TXNRD2: variants seen among roughly 807,000 people sequenced by gnomAD.
The protein encoded by TXNRD2 is thioredoxin reductase 2, mitochondrial.
A neutral mutation model predicts 70.8 loss-of-function variants in TXNRD2; 67 were observed. The ratio of observed to expected loss-of-function variants is 0.95; its 90% confidence interval spans 0.78 to 1.16. The LOEUF is 1.16. Ranked by LOEUF, TXNRD2 falls within the 50% of genes most tolerant of loss-of-function variation. The pLI is 0.00. For missense variants in TXNRD2, 644 were observed against 719.9 expected (o/e 0.89, Z 1.21); for synonymous variants, 301 against 295.8 (o/e 1.02, Z -0.18).
chr22:19,875,703 T>G lies in TXNRD2; in HGVS notation c.*170A>C, dbSNP rs933727955. Reference sequence around the variant, plus strand: ...GGTGGACAGTCCCCTGAGCCATCCCTGTGGGGCACACGGGCCACCTGTCCA... The same window carrying G: ...GGTGGACAGTCCCCTGAGCCATCCCGGTGGGGCACACGGGCCACCTGTCCA... On this transcript the variant is annotated 3_prime_UTR_variant, in exon 18 of 18. Transcript: ENST00000400521. 2 of 152,260 alleles carry G rather than the reference T, an allele frequency of 1.3e-5. No homozygotes were observed. The highest frequency in any genetic ancestry group is 4.8e-5 in the African/African-American group (2 of 41,424). 9.4% of individuals were successfully genotyped at this position (152,260 alleles called of 1,614,324 possible). A position where few individuals can be genotyped will look rare whatever the true frequency, so the allele number is the denominator to read the frequency against.
At chr22:19,927,155 G>A (rs1003562900) in intron 2 of TXNRD2, among the ~76,000 whole-genome samples, 4 of 152,096 alleles carry the variant, frequency 2.6e-5, no homozygotes, top group East Asian at 1.9e-4. Flanking sequence ...TTAGCTGGGC[G>A]TGGTGGCAGG....
intron 2 of TXNRD2, among the ~76,000 whole-genome samples, chr22:19,929,350 G>A (rs955035160): frequency 6.7e-6 from 1 of 148,578 alleles, no homozygotes; most frequent in African/African-American, 2.5e-5. Context: ...AAAAAATTAG[G>A]CCATATACAG....
At chr22:19,883,584 T>A in intron 11 of TXNRD2, 123 bp from the exon 12 acceptor site, 1 of 1,400,784 alleles carries the variant, frequency 7.1e-7, no homozygotes, top group Non-Finnish European at 1.0e-6. Flanking sequence ...CTGCCTGTAA[T>A]CCCAGCACTG....
intron 1 of TXNRD2, among the ~76,000 whole-genome samples, chr22:19,940,244 C>CA (rs141013808): frequency 0.15 from 9,872 of 67,890 alleles, 845 homozygotes; most frequent in South Asian, 0.27. Context: ...GACACTGTCT[C>CA]AAAAAAAAAA....
rs751116028 is a variant in TXNRD2, at chr22:19,915,804, G to A, written c.489C>T (p.Asp163=). 8.2e-5 allele frequency: 133 copies of A among 1,614,058 alleles called. No homozygotes were observed. Among genetic ancestry groups the A allele is most frequent in the Middle Eastern group, 1.6e-4 (1 of 6,084 alleles). The change falls in exon 6 of 18, where the codon GAC becomes GAT. Residue 163 remains aspartate (D), a synonymous_variant. Coordinates refer to ENST00000400521, the MANE Select transcript of TXNRD2 (RefSeq NM_006440.5). ...TGGCAACGCCGCAAACCGTGTGCTC[G>A]TCAACAAAGCTGGCTTTGATGTTAA... ...KYFNIKASFV[D]EHTVCGVAKG...
At chr22:19,902,563 G>A (rs1939823595) in intron 8 of TXNRD2, among the ~76,000 whole-genome samples, 1 of 152,216 alleles carries the variant, frequency 6.6e-6, no homozygotes, top group Non-Finnish European at 1.5e-5. Flanking sequence ...GCAGCACAGG[G>A]CTGGGGGTGC....
intron 1 of TXNRD2, among the ~76,000 whole-genome samples, chr22:19,937,687 G>A (rs1372861451): frequency 6.6e-6 from 1 of 152,110 alleles, no homozygotes. Flanking sequence ...GGCCAACTTG[G>A]TCATACCCAA....
rs1170252717 is a variant in TXNRD2 at position 19,920,649 on chromosome 22, G to A, written c.173-1050C>T. ...GCTAATTTCAAGCTTCCATTTGCCCGGGCTTGGGCACTGCATCAGCAAACT... is the reference window on the plus strand; with the variant it reads ...GCTAATTTCAAGCTTCCATTTGCCCAGGCTTGGGCACTGCATCAGCAAACT... On this transcript the variant is annotated intron_variant, in intron 2 of 17. Transcript: ENST00000400521. Among the ~76,000 whole-genome samples the A allele has an allele frequency of 4.6e-5, 7 of 151,766 alleles. No individual in the cohort carries two copies. The East Asian group carries it at 5.8e-4, about 13-fold the overall frequency.
chr22:19,888,550 G>T (rs576205846), intron 11 of TXNRD2, among the ~76,000 whole-genome samples: 1 of 152,372 alleles, frequency 6.6e-6, no homozygotes, highest in South Asian at 2.1e-4. Flanking sequence ...CAGGTGAGAG[G>T]TAAGTGCCAG....
intron 1 of TXNRD2, among the ~76,000 whole-genome samples, chr22:19,933,774 G>A (rs1359300228): frequency 6.6e-6 from 1 of 152,196 alleles, no homozygotes; most frequent in Non-Finnish European, 1.5e-5. Flanking sequence ...GGGCTGGGTG[G>A]CAGGCGTTAC....
At chr22:19,939,655 T>C (rs1216539928) in intron 1 of TXNRD2, among the ~76,000 whole-genome samples, 1 of 152,194 alleles carries the variant, frequency 6.6e-6, no homozygotes, top group East Asian at 1.9e-4. Context: ...CTGCATTTAA[T>C]GTTACTATGG....
chr22:19,922,827 C>T (rs764827766), intron 2 of TXNRD2, among the ~76,000 whole-genome samples: 26 of 152,270 alleles, frequency 1.7e-4, no homozygotes, highest in Non-Finnish European at 2.9e-4. Context: ...GCTGGGATTA[C>T]AGGTGCGCAC....
At chr22:19,882,324 G>A (rs777094432) in intron 12 of TXNRD2, among the ~76,000 whole-genome samples, 19 of 152,122 alleles carry the variant, frequency 1.2e-4, no homozygotes, top group East Asian at 3.9e-4. Flanking sequence ...TCAGCCTCCC[G>A]GGTAGCTGGG....
At chr22:19,886,011 C>T (rs1236911843) in intron 11 of TXNRD2, among the ~76,000 whole-genome samples, 1 of 152,254 alleles carries the variant, frequency 6.6e-6, no homozygotes, top group African/African-American at 2.4e-5. Context: ...TGTAATGGAG[C>T]CACTAATGTG....
chr22:19,909,740 C>T (rs1372303248), intron 8 of TXNRD2, among the ~76,000 whole-genome samples: 1 of 142,226 alleles, frequency 7.0e-6, no homozygotes, highest in African/African-American at 2.6e-5. Flanking sequence ...CTCACACACA[C>T]ACCACACACA....
At chr22:19,916,464 C>A (rs1940643393) in intron 5 of TXNRD2, 2 of 154,754 alleles carry the variant, frequency 1.3e-5, no homozygotes, top group African/African-American at 4.8e-5. Context: ...GCCTCAGCCT[C>A]CTGAGAAGCT....
chr22:19,911,184 G>A (rs768809730), intron 8 of TXNRD2, 193 bp downstream of exon 8: 16 of 682,758 alleles, frequency 2.3e-5, no homozygotes, highest in African/African-American at 5.3e-5. Context: ...CAATCCTCCC[G>A]CTCAGTCTCC....
chr22:19,909,737 ACAC>A (rs1940269208), intron 8 of TXNRD2, among the ~76,000 whole-genome samples: 1 of 141,134 alleles, frequency 7.1e-6, no homozygotes, highest in Non-Finnish European at 1.5e-5. Context: ...CCACTCACAC[ACAC>A]ACCACACACA....
chr22:19,915,787 C>T lies in TXNRD2; in HGVS notation c.506G>A (p.Gly169Asp). 6.2e-7 allele frequency: 1 copy of T among 1,614,216 alleles called. No homozygotes were observed. Among genetic ancestry groups the T allele is most frequent in the Non-Finnish European group, 8.5e-7 (1 of 1,180,034 alleles). ...CACCTCTTTCCCACCTTTGGCAACG[C>T]CGCAAACCGTGTGCTCGTCAACAAA... ...ASFVDEHTVC[G>D]VAKGGKEILL... The change falls in exon 6 of 18, where the codon GGC becomes GAC. Residue 169 changes from glycine to aspartate, a missense_variant. Gly to Asp is a moderately conservative substitution (Grantham distance 94). This residue lies in a region of TXNRD2 where 566 missense variants were observed against 645.0 expected (regional missense o/e 0.88). Transcript: ENST00000400521.
Sources: allele counts gnomAD v4.1 joint callset (sites outside exome capture counted in the v4.1 genomes callset), GRCh38; gene constraint gnomAD v4.1.1; regional missense constraint gnomAD v4.1.1; transcripts MANE v1.5; gene names NCBI Gene and HGNC (gene_info 2026-07-23, HGNC 2026-07-21).